Variants in DPYD observed in about 807,000 individuals in gnomAD.
DPYD encodes dihydropyrimidine dehydrogenase, also known as dihydropyrimidine dehydrogenase [NADP(+)].
A neutral mutation model predicts 116.2 loss-of-function variants in DPYD; 109 were observed. The ratio of observed to expected loss-of-function variants is 0.94; its 90% CI spans 0.80 to 1.10. DPYD has a LOEUF of 1.10. DPYD is among the 50% of genes least tolerant of loss of function. The pLI is 0.00. For synonymous variants in DPYD, 440 were observed against 432.0 expected, an observed-to-expected ratio of 1.02 and a Z score of -0.23; for missense variants, 1,302 against 1,254.5, an observed-to-expected ratio of 1.04 and a Z score of -0.57.
chr1:97,916,927 T>C (rs111245422), intron 1 of DPYD, among the ~76,000 whole-genome samples: 1 of 152,144 alleles, frequency 6.6e-6, no homozygotes, highest in African/African-American at 2.4e-5. Context: ...GAAGCTACCA[T>C]TAGAATCAGT....
At chr1:97,745,605 T>C (rs1003695641) in intron 3 of DPYD, among the ~76,000 whole-genome samples, 2 of 152,126 alleles carry the variant, frequency 1.3e-5, no homozygotes, top group African/African-American at 4.8e-5. Context: ...GTATAGTTTA[T>C]ACTTTTTGCA....
chr1:97,605,972 A>G (rs1273363434), intron 8 of DPYD, among the ~76,000 whole-genome samples: 1 of 152,128 alleles, frequency 6.6e-6, no homozygotes, highest in African/African-American at 2.4e-5. Flanking sequence ...ATTCAGTCCC[A>G]ATTGAAATTT....
chr1:97,578,209 ATTCTT>A (rs1450819546), intron 10 of DPYD, among the ~76,000 whole-genome samples: 1 of 152,180 alleles, frequency 6.6e-6, no homozygotes, highest in East Asian at 1.9e-4. Flanking sequence ...ACTTAAAAGT[ATTCTT>A]TTAAGTGCTT....
intron 14 of DPYD, among the ~76,000 whole-genome samples, chr1:97,400,435 C>T (rs1673303920): frequency 6.6e-6 from 1 of 152,100 alleles, no homozygotes; most frequent in Non-Finnish European, 1.5e-5. Flanking sequence ...CTCTGCCAGA[C>T]TTTGGTATCA....
chr1:97,402,166 C>T (rs188300043), intron 14 of DPYD, among the ~76,000 whole-genome samples: 4 of 152,142 alleles, frequency 2.6e-5, no homozygotes, highest in South Asian at 2.1e-4. Context: ...ACACAACTTG[C>T]GGGGATTTCT....
chr1:97,218,600 A>T (rs1461850582), intron 19 of DPYD, among the ~76,000 whole-genome samples: 1 of 151,154 alleles, frequency 6.6e-6, no homozygotes, highest in East Asian at 1.9e-4. Flanking sequence ...AAAAGTCAAT[A>T]AATAAATCCT....
chr1:97,333,317 T>C (rs1227928202), intron 16 of DPYD, among the ~76,000 whole-genome samples: 1 of 152,046 alleles, frequency 6.6e-6, no homozygotes, highest in East Asian at 1.9e-4. Flanking sequence ...TGGTGGTCTG[T>C]AGTCAGAGCT....
chr1:97,347,671 CTGAT>C (rs1447734811), intron 16 of DPYD, among the ~76,000 whole-genome samples: 1 of 151,780 alleles, frequency 6.6e-6, no homozygotes, highest in Non-Finnish European at 1.5e-5. Flanking sequence ...TTTTTATTGA[CTGAT>C]TGTTTTTTCA....
intron 11 of DPYD, among the ~76,000 whole-genome samples, chr1:97,555,592 C>G (rs945615871): frequency 7.2e-5 from 11 of 152,076 alleles, no homozygotes; most frequent in Admixed American, 1.3e-4. Context: ...AGACTTGACT[C>G]CTTTCTCTTG....
intron 11 of DPYD, among the ~76,000 whole-genome samples, chr1:97,554,344 CAAT>C (rs1345964765): frequency 6.6e-6 from 1 of 152,084 alleles, no homozygotes; most frequent in Non-Finnish European, 1.5e-5. Flanking sequence ...TCTCCATAAA[CAAT>C]AAAACAATAC....
intron 3 of DPYD, among the ~76,000 whole-genome samples, chr1:97,757,074 A>G (rs1665290979): frequency 6.6e-6 from 1 of 152,184 alleles, no homozygotes; most frequent in Non-Finnish European, 1.5e-5. Flanking sequence ...GTATCCCCAA[A>G]TATCCTGATA....
At chr1:97,475,586 T>C (rs1677913362) in intron 13 of DPYD, among the ~76,000 whole-genome samples, 1 of 152,228 alleles carries the variant, frequency 6.6e-6, no homozygotes, top group Admixed American at 6.5e-5. Flanking sequence ...AGCCAAATTT[T>C]ATTTGTAAAG....
At chr1:97,172,929 C>T (rs185288338) in intron 20 of DPYD, among the ~76,000 whole-genome samples, 1 of 152,208 alleles carries the variant, frequency 6.6e-6, no homozygotes, top group African/African-American at 2.4e-5. Context: ...CATCTGTTGC[C>T]TCCCAACTGC....
At chr1:97,592,076 G>A (rs1025155729) in intron 10 of DPYD, among the ~76,000 whole-genome samples, 3 of 152,114 alleles carry the variant, frequency 2.0e-5, no homozygotes, top group African/African-American at 7.2e-5. Flanking sequence ...ATCTACATAT[G>A]ACAAATTACC....
chr1:97,875,454 A>G (rs1671862530), intron 2 of DPYD, among the ~76,000 whole-genome samples: 1 of 152,032 alleles, frequency 6.6e-6, no homozygotes, highest in South Asian at 2.1e-4. Context: ...CACTGTTCCC[A>G]TCTTGAAATC....
chr1:97,301,245 T>C (rs1402553360), intron 18 of DPYD, among the ~76,000 whole-genome samples: 3 of 152,038 alleles, frequency 2.0e-5, no homozygotes, highest in Admixed American at 6.6e-5. Flanking sequence ...TATTCAGAAA[T>C]CAATAATAAA....
intron 6 of DPYD, among the ~76,000 whole-genome samples, chr1:97,695,592 G>A (rs1490795235): frequency 6.7e-6 from 1 of 149,974 alleles, no homozygotes; most frequent in Non-Finnish European, 1.5e-5. Flanking sequence ...TTAAGTGATC[G>A]ATATATATAT....
chr1:97,275,485 G>T (rs535533649), intron 18 of DPYD, among the ~76,000 whole-genome samples: 27 of 152,208 alleles, frequency 1.8e-4, no homozygotes, highest in African/African-American at 6.5e-4. Flanking sequence ...TTTGCCTTTG[G>T]GCAGATCTGT....
At chr1:97,903,007 T>A (rs1306972709) in intron 1 of DPYD, among the ~76,000 whole-genome samples, 1 of 151,864 alleles carries the variant, frequency 6.6e-6, no homozygotes, top group Non-Finnish European at 1.5e-5. Flanking sequence ...TGATAAATAT[T>A]GCATCGTAAT....
Sources: allele counts gnomAD v4.1 joint callset (sites outside exome capture counted in the v4.1 genomes callset), GRCh38; gene constraint gnomAD v4.1.1; transcripts MANE v1.5; gene names NCBI Gene and HGNC (gene_info 2026-07-23, HGNC 2026-07-21).